RANBP2: variants seen among roughly 807,000 people sequenced by gnomAD.
The protein encoded by RANBP2 is E3 SUMO-protein ligase RanBP2.
Under a neutral mutation model 303.6 loss-of-function variants are expected in RANBP2, and 57 were observed. The ratio of observed to expected loss-of-function variants is 0.19; its 90% CI spans 0.15 to 0.23. RANBP2 has a LOEUF of 0.23. RANBP2 is among the 10% of genes least tolerant of loss of function. RANBP2 has a pLI of 1.00. For missense variants in RANBP2, 3,138 were observed against 3,780.8 expected (o/e 0.83, Z 4.46); for synonymous variants, 1,167 against 1,301.5 (o/e 0.90, Z 2.23).
chr2:108,845,764 G>A, the RANBP2 span, among the ~76,000 whole-genome samples: 1 of 151,898 alleles, frequency 6.6e-6, no homozygotes, highest in Admixed American at 6.6e-5. Context: ...GTAGAGATGG[G>A]GTTTCACCAT....
chr2:108,802,794 A>G, the RANBP2 span, among the ~76,000 whole-genome samples: 15 of 151,672 alleles, frequency 9.9e-5, no homozygotes, highest in Non-Finnish European at 1.8e-4. Flanking sequence ...ATTATTTTGA[A>G]ATACGTCCCA....
chr2:109,066,372 G>A, the RANBP2 span, among the ~76,000 whole-genome samples: 1 of 152,172 alleles, frequency 6.6e-6, no homozygotes, highest in Non-Finnish European at 1.5e-5. Context: ...CTCCCAAAGT[G>A]CTGGGATTAT....
At chr2:109,409,868 A>G in the RANBP2 span, among the ~76,000 whole-genome samples, 2 of 152,144 alleles carry the variant, frequency 1.3e-5, no homozygotes, top group Non-Finnish European at 2.9e-5. Flanking sequence ...GTAGCGAGTG[A>G]TGAATAATGC....
intron 17 of RANBP2, among the ~76,000 whole-genome samples, chr2:108,757,949 A>G (rs1039460706): frequency 1.3e-5 from 2 of 152,224 alleles, no homozygotes; most frequent in African/African-American, 4.8e-5. Flanking sequence ...TAAGAATCAT[A>G]TTTTAAAATC....
the RANBP2 span, chr2:108,794,864 A>G: frequency 6.8e-5 from 44 of 648,242 alleles, no homozygotes; most frequent in Middle Eastern, 4.3e-4. Context: ...ACAAACTCAA[A>G]TTATAGGGAC....
At chr2:109,679,500 G>A in the RANBP2 span, among the ~76,000 whole-genome samples, 1 of 152,226 alleles carries the variant, frequency 6.6e-6, no homozygotes, top group Non-Finnish European at 1.5e-5. Context: ...GTGCATATGT[G>A]TGTATTTAAA....
chr2:109,734,948 G>C, the RANBP2 span, among the ~76,000 whole-genome samples: 1 of 152,048 alleles, frequency 6.6e-6, no homozygotes, highest in Non-Finnish European at 1.5e-5. Context: ...AAAGTTTGAT[G>C]CTCAAATCAG....
intron 18 of RANBP2, among the ~76,000 whole-genome samples, chr2:108,759,642 T>C (rs1460096831): frequency 4.6e-5 from 7 of 152,210 alleles, no homozygotes; most frequent in Non-Finnish European, 2.9e-5. Context: ...AAAATCTTTG[T>C]GAAATCAAGC....
chr2:109,366,992 C>CG, the RANBP2 span, among the ~76,000 whole-genome samples: 2 of 152,008 alleles, frequency 1.3e-5, no homozygotes, highest in African/African-American at 4.8e-5. Context: ...GTCTCATTCT[C>CG]GCCCAGGCTG....
At chr2:108,815,465 T>G in the RANBP2 span, among the ~76,000 whole-genome samples, 1 of 133,564 alleles carries the variant, frequency 7.5e-6, no homozygotes, top group Admixed American at 7.5e-5. Flanking sequence ...TTTGGTGTTT[T>G]TTTTTTTTTT....
the RANBP2 span, among the ~76,000 whole-genome samples, chr2:109,473,800 G>A: frequency 3.7e-4 from 47 of 125,744 alleles, no homozygotes; most frequent in Admixed American, 2.8e-3. Flanking sequence ...TGAGCCCCCC[G>A]TGCACAGCCA....
chr2:109,066,522 G>A, the RANBP2 span, among the ~76,000 whole-genome samples: 74 of 152,248 alleles, frequency 4.9e-4, no homozygotes, highest in African/African-American at 1.2e-3. Context: ...TGTGGGGGGT[G>A]CCCTCTAAAC....
At chr2:108,915,575 C>T in the RANBP2 span, among the ~76,000 whole-genome samples, 99 of 152,326 alleles carry the variant, frequency 6.5e-4, no homozygotes, top group Middle Eastern at 6.8e-3. Context: ...AATTTAGCCT[C>T]TTACTTGGCC....
the RANBP2 span, among the ~76,000 whole-genome samples, chr2:108,947,931 T>G: frequency 2.0e-5 from 3 of 152,234 alleles, no homozygotes; most frequent in African/African-American, 7.2e-5. Flanking sequence ...TTCTACCATA[T>G]AGTTAGGTTG....
the RANBP2 span, among the ~76,000 whole-genome samples, chr2:109,268,742 TAA>T: frequency 3.7e-3 from 552 of 150,150 alleles, 3 homozygotes; most frequent in African/African-American, 0.013. Context: ...TACTTTATTA[TAA>T]AAAAAAAAAG....
chr2:108,909,609 A>G, the RANBP2 span, among the ~76,000 whole-genome samples: 3 of 152,186 alleles, frequency 2.0e-5, no homozygotes, highest in Admixed American at 1.3e-4. Context: ...TGTCGGGCAG[A>G]GGCCTGGCAG....
At chr2:109,475,837 G>A in the RANBP2 span, among the ~76,000 whole-genome samples, 5 of 152,186 alleles carry the variant, frequency 3.3e-5, no homozygotes, top group African/African-American at 1.2e-4. Context: ...GGGCCTGGCT[G>A]CCTCTACCTT....
chr2:109,439,851 T>C, the RANBP2 span, among the ~76,000 whole-genome samples: 1 of 151,730 alleles, frequency 6.6e-6, no homozygotes, highest in Admixed American at 6.6e-5. Context: ...GAAAACAAAG[T>C]TCTGTGGTGG....
chr2:109,372,308 C>G, the RANBP2 span, among the ~76,000 whole-genome samples: 1 of 152,208 alleles, frequency 6.6e-6, no homozygotes, highest in Non-Finnish European at 1.5e-5. Flanking sequence ...ACACGTGTGT[C>G]TTTAAAACAC....
Sources: gnomAD v4.1 joint callset for allele counts (sites outside exome capture counted in the v4.1 genomes callset) on GRCh38, gnomAD v4.1.1 for gene constraint, MANE v1.5 for transcripts, NCBI Gene and HGNC (gene_info 2026-07-23, HGNC 2026-07-21) for gene names.